ZFYVE1: variants seen among roughly 807,000 people sequenced by gnomAD.
ZFYVE1 encodes the protein zinc finger FYVE-type containing 1.
Under a neutral mutation model 74.4 loss-of-function variants are expected in ZFYVE1, and 30 were observed. The observed-to-expected ratio is 0.40, with a 90% CI of 0.30 to 0.55. ZFYVE1 has a LOEUF of 0.55. Among genes scored for constraint, ZFYVE1 ranks in the 20% least tolerant of loss-of-function variants. The pLI is 0.42. For synonymous variants in ZFYVE1, 335 were observed against 385.1 expected, an observed-to-expected ratio of 0.87 and a Z score of 1.52; for missense variants, 703 against 1,011.6, an observed-to-expected ratio of 0.69 and a Z score of 4.14.
At chr14:73,017,127 A>G (rs1003818108) in intron 2 of ZFYVE1, among the ~76,000 whole-genome samples, 6 of 151,632 alleles carry the variant, frequency 4.0e-5, no homozygotes, top group African/African-American at 1.2e-4. Context: ...GTCTCAAAAG[A>G]AAAAAAAAGA....
chr14:73,003,932 C>A (rs898984975), intron 2 of ZFYVE1, among the ~76,000 whole-genome samples: 1 of 152,136 alleles, frequency 6.6e-6, no homozygotes, highest in African/African-American at 2.4e-5. Context: ...CAGTGTACAG[C>A]TGCTGAGTGA....
rs1335327292 is a variant in ZFYVE1, at chr14:72,981,789, C to T, written c.1310G>A (p.Gly437Glu). 3.1e-6 allele frequency: 5 copies of T among 1,613,938 alleles called. No homozygotes were observed. The highest frequency in any genetic ancestry group is 2.2e-5 in the South Asian group (2 of 91,070). Residue 437 changes from glycine (G) to glutamate (E), a missense_variant and splice_region_variant, in exon 5 of 12, where the codon GGG becomes GAG. Around this residue, in one of 2 missense-constraint regions of ZFYVE1, gnomAD observed 492 missense variants for 790.0 expected, o/e 0.62. Coordinates refer to ENST00000556143, the MANE Select transcript of ZFYVE1 (RefSeq NM_021260.4). The part of the protein sequence containing the change: ...FTCSSLCLSC[G>E]VGCKKSMNHG... ...GAGGTGGGGGAGCGGCCTTACTTACCCACAGCTGAGGCACAAGGAGGAGCA... is the reference window on the plus strand; with the variant it reads ...GAGGTGGGGGAGCGGCCTTACTTACTCACAGCTGAGGCACAAGGAGGAGCA...
In ZFYVE1 at chr14:73,024,519, G is replaced by A. The variant is rs963813408; in HGVS notation, c.-11C>T. 5 of 1,582,356 alleles carry A rather than the reference G, an allele frequency of 3.2e-6. No homozygotes were observed. The South Asian group carries it at 4.6e-5, about 15-fold the overall frequency. On this transcript the variant is annotated 5_prime_UTR_variant, in exon 2 of 12. Coordinates refer to ENST00000556143, the MANE Select transcript of ZFYVE1 (RefSeq NM_021260.4). Reference sequence around the variant, plus strand: ...AGTCTGGGCACTCATACTCACGCTGGTAAGGAAACACACCCACCATATAAT... The same window carrying A: ...AGTCTGGGCACTCATACTCACGCTGATAAGGAAACACACCCACCATATAAT...
Position 72,970,591 on chromosome 14 carries a change from T to C in ZFYVE1, c.*291A>G. 1 of 415,484 alleles carries C rather than the reference T, an allele frequency of 2.4e-6. No homozygotes were observed. Among genetic ancestry groups the C allele is most frequent in the Non-Finnish European group, 4.4e-6 (1 of 227,480 alleles). The allele number at this position is 415,484 out of a possible 1,614,324, so 25.7% of individuals were successfully genotyped here. A position where few individuals can be genotyped will look rare whatever the true frequency, so the allele number is the denominator to read the frequency against. ...ATACGCCCCGAGTGCCTTTCATATG[T>C]ATATATGAGAGAGAGATATACACAT... is the stretch of plus-strand genomic sequence containing the variant. On this transcript the variant is annotated 3_prime_UTR_variant, in exon 12 of 12. Transcript: ENST00000556143.
Position 72,993,373 on chromosome 14 carries a change from C to G in ZFYVE1, c.989-16G>C, listed in dbSNP as rs761693004. On this transcript the variant is annotated splice_polypyrimidine_tract_variant and intron_variant, in intron 3 of 11. Transcript: ENST00000556143. ...GAGGGATGATCTATACAAGCAGAAA[C>G]ACAGGCACATGGGTAGTGAGTGACA... 1 of 1,586,244 alleles carries G rather than the reference C, an allele frequency of 6.3e-7. No individual in the cohort carries two copies. Among genetic ancestry groups the G allele is most frequent in the East Asian group, 2.2e-5 (1 of 44,470 alleles).
intron 2 of ZFYVE1, among the ~76,000 whole-genome samples, chr14:73,003,053 TC>T (rs1893907323): frequency 3.1e-5 from 3 of 97,492 alleles, no homozygotes; most frequent in Non-Finnish European, 3.9e-5. Context: ...TTTTTTCTTT[TC>T]TTTTTTTTTT....
At chr14:72,976,951 G>A (rs896062873) in intron 8 of ZFYVE1, among the ~76,000 whole-genome samples, 6 of 152,230 alleles carry the variant, frequency 3.9e-5, no homozygotes, top group African/African-American at 1.2e-4. Flanking sequence ...AGTCCCTCAG[G>A]GATAATCACT....
chr14:73,002,684 A>C (rs1893897015), intron 2 of ZFYVE1, among the ~76,000 whole-genome samples: 1 of 151,612 alleles, frequency 6.6e-6, no homozygotes, highest in South Asian at 2.1e-4. Context: ...CAAAGGAGTG[A>C]GGAAGCTTCA....
intron 2 of ZFYVE1, among the ~76,000 whole-genome samples, chr14:73,014,131 G>A (rs980484827): frequency 2.0e-5 from 3 of 152,022 alleles, no homozygotes; most frequent in Non-Finnish European, 4.4e-5. Flanking sequence ...AACTGAAGGT[G>A]TCTTAAAGTA....
In ZFYVE1 at chr14:72,993,466, G is replaced by C. The variant is rs2064763139; in HGVS notation, c.989-109C>G. 4 of 969,180 alleles carry C rather than the reference G, an allele frequency of 4.1e-6. No individual in the cohort carries two copies. The African/African-American group carries it at 4.9e-5, about 12-fold the overall frequency. 60.0% of individuals were successfully genotyped at this position (969,180 alleles called of 1,614,324 possible). On this transcript the variant is annotated intron_variant, in intron 3 of 11. Coordinates refer to ENST00000556143, the MANE Select transcript of ZFYVE1 (RefSeq NM_021260.4). ...ACCTGTAACCCTAGCACTTTGGGAG[G>C]CCAAGGTGGGTGGATCACCCGAGGT...
At chr14:73,020,868 G>A (rs1196525608) in intron 2 of ZFYVE1, among the ~76,000 whole-genome samples, 2 of 151,948 alleles carry the variant, frequency 1.3e-5, no homozygotes, top group Non-Finnish European at 2.9e-5. Context: ...CCAGGTACTG[G>A]GATTATAGGC....
At chr14:73,025,878 G>T (rs978491888) in intron 1 of ZFYVE1, among the ~76,000 whole-genome samples, 1 of 152,014 alleles carries the variant, frequency 6.6e-6, no homozygotes, top group African/African-American at 2.4e-5. Flanking sequence ...TCCTTGGAAG[G>T]ACAGCCCTCT....
intron 6 of ZFYVE1, among the ~76,000 whole-genome samples, chr14:72,978,608 C>T (rs1416814805): frequency 2.2e-5 from 3 of 135,096 alleles, no homozygotes; most frequent in Non-Finnish European, 3.1e-5. Context: ...AATGAATGTT[C>T]GATATAAATT....
In ZFYVE1 at chr14:72,998,309, T is replaced by C; in HGVS notation, c.490A>G (p.Asn164Asp). 7.0e-7 allele frequency: 1 copy of C among 1,422,004 alleles called. No homozygotes were observed. Among genetic ancestry groups the C allele is most frequent in the Non-Finnish European group, 9.2e-7 (1 of 1,081,988 alleles). 88.1% of individuals were successfully genotyped at this position (1,422,004 alleles called of 1,614,324 possible). A position where few individuals can be genotyped will look rare whatever the true frequency, so the allele number is the denominator to read the frequency against. ...VDENEEIQVT[N>D]EEDFIRKLDC... ...AATTTTCTAATAAAGTCTTCTTCAT[T>C]TGTTACCTGCAAAAAAAAAAAAAAA... Residue 164 changes from asparagine to aspartate, a missense_variant, in exon 3 of 12, where the codon AAT becomes GAT. Coordinates refer to ENST00000556143, the MANE Select transcript of ZFYVE1 (RefSeq NM_021260.4).
chr14:73,012,225 G>C lies in ZFYVE1; in HGVS notation c.483+11801C>G, dbSNP rs1325747319. ...TTGTCTGTCAAATATCACAGATGTA[G>C]GTAACAGTTAACTGAGACATAAGGA... On this transcript the variant is annotated intron_variant, in intron 2 of 11. Coordinates refer to ENST00000556143, the MANE Select transcript of ZFYVE1 (RefSeq NM_021260.4). Among the ~76,000 whole-genome samples, 3 of 152,046 alleles carry C rather than the reference G, an allele frequency of 2.0e-5. 1 individual carries two copies. Among genetic ancestry groups the C allele is most frequent in the African/African-American group, 7.2e-5 (3 of 41,428 alleles).
chr14:72,972,709 CTTTT>C (rs764679644), intron 11 of ZFYVE1, among the ~76,000 whole-genome samples: 2 of 140,314 alleles, frequency 1.4e-5, no homozygotes. Context: ...TTTAAATCTT[CTTTT>C]TTTTTTTTTT....
chr14:72,983,715 C>T (rs566364784), intron 4 of ZFYVE1, among the ~76,000 whole-genome samples: 61 of 152,096 alleles, frequency 4.0e-4, no homozygotes, highest in South Asian at 3.7e-3. Flanking sequence ...GGGTATATAC[C>T]CAGTAATGGG....
Position 72,977,997 on chromosome 14 carries a change from T to G in ZFYVE1, c.1565A>C (p.Gln522Pro). 1 of 1,614,234 alleles carries G rather than the reference T, an allele frequency of 6.2e-7. No homozygotes were observed. The highest frequency in any genetic ancestry group is 8.5e-7 in the Non-Finnish European group (1 of 1,180,048). The change falls in exon 8 of 12, where the codon CAG (glutamine) becomes CCG (proline). Residue 522 changes from glutamine (Q) to proline (P), a missense_variant. Gln to Pro is a moderately conservative substitution (Grantham distance 76, BLOSUM62 -1). Coordinates refer to ENST00000556143, the MANE Select transcript of ZFYVE1 (RefSeq NM_021260.4). ...PNCGVVYRSR[Q>P]YWFGNQDPVD... ...AGGATCTTGGTTTCCAAACCAGTACTGCCGACTACGATAGACCACGCCACA... is the reference window on the plus strand; with the variant it reads ...AGGATCTTGGTTTCCAAACCAGTACGGCCGACTACGATAGACCACGCCACA...
intron 2 of ZFYVE1, among the ~76,000 whole-genome samples, chr14:73,003,901 G>A (rs1002729506): frequency 3.9e-5 from 6 of 152,158 alleles, no homozygotes; most frequent in South Asian, 2.1e-4. Context: ...TCAGGACACC[G>A]CCTGGCACAC....
Sources: allele counts gnomAD v4.1 joint callset (sites outside exome capture counted in the v4.1 genomes callset), GRCh38; gene constraint gnomAD v4.1.1; regional missense constraint gnomAD v4.1.1; transcripts MANE v1.5; gene names NCBI Gene and HGNC (gene_info 2026-07-23, HGNC 2026-07-21).